Variants in SMU1 observed in about 807,000 individuals in gnomAD.
SMU1 encodes the protein WD40 repeat-containing protein SMU1.
A neutral mutation model predicts 62.0 loss-of-function variants in SMU1; 2 were observed. That is an observed-to-expected ratio of 0.03 (90% CI 0.01 to 0.10). SMU1 has a LOEUF of 0.10. Among genes scored for constraint, SMU1 ranks in the 10% least tolerant of loss-of-function variants. The probability of loss-of-function intolerance (pLI) is 1.00; values close to 1 mark genes in which losing one functional copy is unlikely to be tolerated. For missense variants in SMU1, 227 were observed against 622.1 expected (o/e 0.36, Z 6.76); for synonymous variants, 188 against 212.4 (o/e 0.89, Z 1.00).
chr9:33,057,269 C>G (rs1200681486), intron 7 of SMU1, among the ~76,000 whole-genome samples: 5 of 152,078 alleles, frequency 3.3e-5, no homozygotes, highest in Admixed American at 3.3e-4. Context: ...CAAACCACAA[C>G]AAATTGGCTA....
At chr9:33,066,012 G>T (rs1303742861) in intron 4 of SMU1, among the ~76,000 whole-genome samples, 4 of 152,134 alleles carry the variant, frequency 2.6e-5, no homozygotes, top group Admixed American at 2.6e-4. Flanking sequence ...TCTCCAAGCA[G>T]GAACTACTCT....
At chr9:33,067,464 T>A (rs2117853079) in intron 4 of SMU1, among the ~76,000 whole-genome samples, 1 of 152,042 alleles carries the variant, frequency 6.6e-6, no homozygotes, top group South Asian at 2.1e-4. Context: ...TGCACTGCTA[T>A]TAGTTTGATT....
At chr9:33,057,888 G>A (rs41305307) in intron 6 of SMU1, among the ~76,000 whole-genome samples, 174 bp from the exon 7 acceptor site, 1,856 of 152,218 alleles carry the variant, frequency 0.012, 25 homozygotes, top group Admixed American at 0.032. Flanking sequence ...TGATATTGCC[G>A]GGGATAAATA....
At position 33,043,630 on chromosome 9, in the gene SMU1, A is replaced by G. The variant is rs1009349809; in HGVS notation, c.*3663T>C. ...GCTCTGCTTAGGTGAATGTGTTTGCAGCATGTGGAGGAACAATCCATGTAT... is the reference window on the plus strand; with the variant it reads ...GCTCTGCTTAGGTGAATGTGTTTGCGGCATGTGGAGGAACAATCCATGTAT... On this transcript the variant is annotated 3_prime_UTR_variant, in exon 12 of 12. Coordinates refer to ENST00000397149, the MANE Select transcript of SMU1 (RefSeq NM_018225.3). 6.6e-6 allele frequency: 1 copy of G among 152,234 alleles called. No individual in the cohort carries two copies. The highest frequency in any genetic ancestry group is 2.4e-5 in the African/African-American group (1 of 41,458). 9.4% of individuals were successfully genotyped at this position (152,234 alleles called of 1,614,324 possible).
chr9:33,061,498 T>A (rs1839360772), intron 5 of SMU1, among the ~76,000 whole-genome samples: 1 of 152,122 alleles, frequency 6.6e-6, no homozygotes, highest in African/African-American at 2.4e-5. Flanking sequence ...AATATAGAGA[T>A]GCTAAAGTAG....
At chr9:33,048,033 C>A in intron 11 of SMU1, 73 bp downstream of exon 11, 2 of 1,421,410 alleles carry the variant, frequency 1.4e-6, no homozygotes, top group Admixed American at 1.9e-5. Flanking sequence ...CTGGAAAAGG[C>A]ACATACTTCA....
At chr9:33,069,220 GAA>G (rs1313612322) in intron 3 of SMU1, among the ~76,000 whole-genome samples, 1 of 152,092 alleles carries the variant, frequency 6.6e-6, no homozygotes, top group African/African-American at 2.4e-5. Context: ...CTATTTTTCT[GAA>G]AAGAGTCCAA....
chr9:33,069,673 G>T (rs571594912), intron 3 of SMU1, among the ~76,000 whole-genome samples: 1 of 152,126 alleles, frequency 6.6e-6, no homozygotes, highest in African/African-American at 2.4e-5. Context: ...ATAGTGGTGG[G>T]TGCCTGTAAT....
chr9:33,048,573 A>G (rs1254228986), intron 10 of SMU1, among the ~76,000 whole-genome samples: 1 of 152,226 alleles, frequency 6.6e-6, no homozygotes, highest in African/African-American at 2.4e-5. Flanking sequence ...CTAAATCAAT[A>G]TACCAGTATT....
chr9:33,064,493 A>G (rs1042570656), intron 4 of SMU1, among the ~76,000 whole-genome samples: 11 of 152,148 alleles, frequency 7.2e-5, no homozygotes, highest in Non-Finnish European at 1.2e-4. Context: ...TCAGTGTCCC[A>G]ACATCATATA....
chr9:33,057,482 A>C, intron 7 of SMU1, 116 bp downstream of exon 7: 1 of 1,280,142 alleles, frequency 7.8e-7, no homozygotes. Flanking sequence ...ATTAGCATAA[A>C]GCTGATGCTC....
At chr9:33,063,317 G>C (rs750054081) in intron 4 of SMU1, among the ~76,000 whole-genome samples, 1 of 151,742 alleles carries the variant, frequency 6.6e-6, no homozygotes, top group East Asian at 1.9e-4. Flanking sequence ...AGCCAAGATC[G>C]CACCACTGCA....
intron 10 of SMU1, among the ~76,000 whole-genome samples, chr9:33,051,115 T>C (rs61572320): frequency 0.01 from 673 of 65,390 alleles, 139 homozygotes; most frequent in Non-Finnish European, 0.012. Flanking sequence ...AGCGAGACTC[T>C]GTCTCAAAAA....
In SMU1 at chr9:33,076,484, C is replaced by T. The variant is rs1381508577; in HGVS notation, c.26+99G>A. The T allele has an allele frequency of 4.9e-6, 7 of 1,442,610 alleles. No homozygotes were observed. In the East Asian group the frequency reaches 1.6e-4, roughly 33 times the overall value. The allele number at this position is 1,442,610 out of a possible 1,614,324, so 89.4% of individuals were successfully genotyped here. Reference sequence around the variant, plus strand: ...GGGGGCAAGGAAATGGCCCTCCACTCCCTGGCCTCTCGGATGCCTTCTCCC... The same window carrying T: ...GGGGGCAAGGAAATGGCCCTCCACTTCCTGGCCTCTCGGATGCCTTCTCCC... On this transcript the variant is annotated intron_variant, in intron 1 of 11. Coordinates refer to ENST00000397149, the MANE Select transcript of SMU1 (RefSeq NM_018225.3).
intron 9 of SMU1, among the ~76,000 whole-genome samples, chr9:33,054,863 C>T (rs1025639673): frequency 2.6e-5 from 4 of 152,194 alleles, no homozygotes; most frequent in Admixed American, 6.5e-5. Context: ...GAATTAAGAA[C>T]GCTAAGGCTT....
intron 6 of SMU1, among the ~76,000 whole-genome samples, chr9:33,059,529 G>A (rs553484005): frequency 6.6e-6 from 1 of 151,440 alleles, no homozygotes; most frequent in East Asian, 2.0e-4. Context: ...GGCGGAGGTT[G>A]CAGTGAGCCG....
intron 3 of SMU1, 129 bp from the exon 4 acceptor site, chr9:33,069,063 G>T (rs1297322159): frequency 7.4e-7 from 1 of 1,349,820 alleles, no homozygotes; most frequent in South Asian, 1.7e-5. Flanking sequence ...GTTAAAGAAG[G>T]GATTAGTTGA....
At chr9:33,065,812 T>C (rs1412392367) in intron 4 of SMU1, among the ~76,000 whole-genome samples, 2 of 152,172 alleles carry the variant, frequency 1.3e-5, no homozygotes, top group East Asian at 1.9e-4. Context: ...ATGTATATTC[T>C]GGAAAGGTTG....
intron 9 of SMU1, among the ~76,000 whole-genome samples, chr9:33,054,990 A>C (rs1839288713): frequency 6.6e-6 from 1 of 152,194 alleles, no homozygotes; most frequent in Non-Finnish European, 1.5e-5. Context: ...TGGCATTTAC[A>C]AGTTGTGAGG....
Sources: gnomAD v4.1 joint callset for allele counts (sites outside exome capture counted in the v4.1 genomes callset) on GRCh38, gnomAD v4.1.1 for gene constraint, MANE v1.5 for transcripts, NCBI Gene and HGNC (gene_info 2026-07-23, HGNC 2026-07-21) for gene names.